The following EHBP1 variants were observed in gnomAD, a reference collection of about 807,000 sequenced individuals.
EHBP1 encodes EH domain binding protein 1.
In EHBP1, 55 loss-of-function variants were observed where a neutral mutation model predicts 144.0. The ratio of observed to expected loss-of-function variants is 0.38; its 90% CI spans 0.31 to 0.48. EHBP1 has a LOEUF of 0.48. Among genes scored for constraint, EHBP1 ranks in the 20% least tolerant of loss-of-function variants. EHBP1 has a pLI of 0.98. For synonymous variants in EHBP1, 469 were observed against 472.7 expected (o/e 0.99, Z 0.10); for missense variants, 1,200 against 1,364.2 (o/e 0.88, Z 1.90).
intron 19 of EHBP1, among the ~76,000 whole-genome samples, chr2:63,012,937 T>G (rs2060330193): frequency 6.6e-6 from 1 of 152,098 alleles, no homozygotes; most frequent in African/African-American, 2.4e-5. Flanking sequence ...TGTAGCCTAC[T>G]TAGCTCTTCA....
intron 3 of EHBP1, among the ~76,000 whole-genome samples, chr2:62,754,195 T>C (rs926299976): frequency 6.6e-6 from 1 of 152,190 alleles, no homozygotes; most frequent in African/African-American, 2.4e-5. Flanking sequence ...TTCTGTTTGT[T>C]AGTTTCCCAT....
At chr2:62,980,857 CTT>C (rs1331290793) in intron 15 of EHBP1, among the ~76,000 whole-genome samples, 2 of 139,420 alleles carry the variant, frequency 1.4e-5, no homozygotes. Context: ...TTTCACGTGT[CTT>C]TTTTTTTTTT....
chr2:62,682,189 A>G (rs977983148), intron 1 of EHBP1, among the ~76,000 whole-genome samples: 1 of 152,280 alleles, frequency 6.6e-6, no homozygotes, highest in African/African-American at 2.4e-5. Context: ...ATCAAACTCT[A>G]TGACAGCAGA....
At chr2:62,965,598 A>G (rs2058211735) in intron 14 of EHBP1, among the ~76,000 whole-genome samples, 1 of 152,154 alleles carries the variant, frequency 6.6e-6, no homozygotes, top group African/African-American at 2.4e-5. Flanking sequence ...TGTCTTGGTC[A>G]CCTTTTCTGG....
At chr2:62,698,553 G>A (rs1286093037) in intron 1 of EHBP1, among the ~76,000 whole-genome samples, 1 of 152,192 alleles carries the variant, frequency 6.6e-6, no homozygotes, top group Non-Finnish European at 1.5e-5. Context: ...CTCAACACTT[G>A]AATTTCTTTT....
At position 62,706,916 on chromosome 2, in the gene EHBP1, T is replaced by C; in HGVS notation, c.-276T>C. Reference sequence around the variant, plus strand: ...TTTCAGCCCTCCAGAATACCCATCATATAGCCCCTGAGGTGGCATGGTGAT... The same window carrying C: ...TTTCAGCCCTCCAGAATACCCATCACATAGCCCCTGAGGTGGCATGGTGAT... On this transcript the variant is annotated 5_prime_UTR_variant, in exon 2 of 23. Coordinates refer to ENST00000431489, the MANE Select transcript of EHBP1 (RefSeq NM_001142616.3). 2.8e-6 allele frequency: 1 copy of C among 354,918 alleles called. No individual in the cohort carries two copies. Among genetic ancestry groups the C allele is most frequent in the East Asian group, 5.4e-5 (1 of 18,660 alleles). 22.0% of individuals were successfully genotyped at this position (354,918 alleles called of 1,614,324 possible).
intron 9 of EHBP1, among the ~76,000 whole-genome samples, chr2:62,868,329 A>G (rs191147501): frequency 1.3e-4 from 20 of 152,310 alleles, no homozygotes; most frequent in Admixed American, 1.1e-3. Context: ...CAGTGAGCCA[A>G]GATCACACCA....
At chr2:62,979,463 G>T (rs921309152) in intron 15 of EHBP1, 128 bp downstream of exon 15, 2 of 921,794 alleles carry the variant, frequency 2.2e-6, no homozygotes, top group African/African-American at 3.3e-5. Flanking sequence ...TTGATATGTT[G>T]CAAAACACCT....
intron 3 of EHBP1, among the ~76,000 whole-genome samples, chr2:62,752,697 CTCT>C (rs1283297703): frequency 2.6e-5 from 4 of 152,094 alleles, no homozygotes; most frequent in African/African-American, 9.7e-5. Flanking sequence ...AGATAGTTAG[CTCT>C]TCTTGTTGAA....
In EHBP1 at chr2:62,894,931, G is replaced by A. The variant is rs959718060; in HGVS notation, c.1185+20399G>A. ...ACCCTAGCAAAAACAGAAAGAAAGA[G>A]AGAGAGAGAGAGAGAGAGAGAGAGA... On this transcript the variant is annotated intron_variant, in intron 10 of 22. Coordinates refer to ENST00000431489, the MANE Select transcript of EHBP1 (RefSeq NM_001142616.3). 2.0e-5 allele frequency among the ~76,000 whole-genome samples: 3 copies of A among 149,438 alleles called. No individual in the cohort carries two copies. The South Asian group carries it at 6.3e-4, about 32-fold the overall frequency.
At chr2:62,781,825 T>G (rs2042441300) in intron 5 of EHBP1, among the ~76,000 whole-genome samples, 1 of 152,218 alleles carries the variant, frequency 6.6e-6, no homozygotes, top group Non-Finnish European at 1.5e-5. Context: ...AGATCTTGCT[T>G]CACCTGCCTC....
chr2:62,944,559 A>G (rs2056955746), intron 12 of EHBP1, among the ~76,000 whole-genome samples: 2 of 152,212 alleles, frequency 1.3e-5, no homozygotes, highest in Non-Finnish European at 2.9e-5. Flanking sequence ...GCACAACAAC[A>G]AAATCTCCTG....
At chr2:63,000,239 T>C (rs1481112393) in intron 19 of EHBP1, among the ~76,000 whole-genome samples, 1 of 152,156 alleles carries the variant, frequency 6.6e-6, no homozygotes, top group Non-Finnish European at 1.5e-5. Flanking sequence ...GGGATAAGAA[T>C]GGCAGGAGCT....
intron 2 of EHBP1, among the ~76,000 whole-genome samples, chr2:62,709,156 C>G (rs1428601749): frequency 6.6e-6 from 1 of 151,922 alleles, no homozygotes; most frequent in Non-Finnish European, 1.5e-5. Flanking sequence ...TAAGGGGAGA[C>G]AAAAGGTTAG....
rs568189574 is a variant in EHBP1 at position 62,882,301 on chromosome 2, G to A, written c.1185+7769G>A. 2.0e-5 allele frequency among the ~76,000 whole-genome samples: 3 copies of A among 152,260 alleles called. No individual in the cohort carries two copies. The East Asian group carries it at 5.8e-4, about 29-fold the overall frequency. On this transcript the variant is annotated intron_variant, in intron 10 of 22. Coordinates refer to ENST00000431489, the MANE Select transcript of EHBP1 (RefSeq NM_001142616.3). ...CTTAAATTCTGTCTTGCTGGGTTGT[G>A]CTAGAGAAAGAGGGAAAAATGCTAA...
At position 63,025,900 on chromosome 2, in the gene EHBP1, T is replaced by A. The variant is rs1300126151; in HGVS notation, c.3104-11635T>A. Reference sequence around the variant, plus strand: ...ATTTTGGAATACACTTAACAGAACATGTGTAACCTTGGAAAGGGGAATGTC... The same window carrying A: ...ATTTTGGAATACACTTAACAGAACAAGTGTAACCTTGGAAAGGGGAATGTC... On this transcript the variant is annotated intron_variant, in intron 19 of 22. Transcript: ENST00000431489. Among the ~76,000 whole-genome samples, 3 of 152,216 alleles carry A rather than the reference T, an allele frequency of 2.0e-5. No homozygotes were observed. The East Asian group carries it at 5.8e-4, about 29-fold the overall frequency.
intron 3 of EHBP1, among the ~76,000 whole-genome samples, chr2:62,756,740 C>T (rs1043892480): frequency 6.9e-6 from 1 of 144,526 alleles, no homozygotes; most frequent in Non-Finnish European, 1.5e-5. Context: ...TGCACTCCAG[C>T]CTGGGCAGCA....
intron 5 of EHBP1, among the ~76,000 whole-genome samples, chr2:62,782,644 C>G (rs976915114): frequency 4.6e-5 from 7 of 152,102 alleles, no homozygotes; most frequent in Non-Finnish European, 7.4e-5. Context: ...GGGTAAGCCC[C>G]TTGTAAAACC....
chr2:62,889,412 A>G (rs917847220), intron 10 of EHBP1, among the ~76,000 whole-genome samples: 1 of 151,742 alleles, frequency 6.6e-6, no homozygotes, highest in Non-Finnish European at 1.5e-5. Context: ...ATTAAATCCC[A>G]TTTGTCAATG....
Sources: gnomAD v4.1 joint callset for allele counts (sites outside exome capture counted in the v4.1 genomes callset) on GRCh38, gnomAD v4.1.1 for gene constraint, MANE v1.5 for transcripts, NCBI Gene and HGNC (gene_info 2026-07-23, HGNC 2026-07-21) for gene names.